DYSF: variants seen among roughly 807,000 people sequenced by gnomAD.
DYSF encodes the protein dystrophy-associated fer-1-like 1.
A neutral mutation model predicts 274.9 loss-of-function variants in DYSF; 212 were observed. That is an observed-to-expected ratio of 0.77 (90% confidence interval 0.69 to 0.86). The LOEUF (loss-of-function observed/expected upper bound fraction) is 0.86. Ranked by LOEUF, DYSF falls within the 40% of genes least tolerant of loss-of-function variation. DYSF has a pLI of 0.00. For synonymous variants in DYSF, 1,091 were observed against 1,078.7 expected, an observed-to-expected ratio of 1.01 and a Z score of -0.22; for missense variants, 2,666 against 2,783.2, an observed-to-expected ratio of 0.96 and a Z score of 0.95.
chr2:71,543,657 G>A (rs989195907), intron 17 of DYSF, among the ~76,000 whole-genome samples: 2 of 152,344 alleles, frequency 1.3e-5, no homozygotes, highest in East Asian at 1.9e-4. Flanking sequence ...GTTAGGAGCT[G>A]GAGACCAGCC....
At chr2:71,511,658 T>G (rs2152728317) in intron 4 of DYSF, 149 bp from the exon 5 acceptor site, 1 of 694,626 alleles carries the variant, frequency 1.4e-6, no homozygotes, top group Non-Finnish European at 2.6e-6. Flanking sequence ...ATAGGTCCCT[T>G]GGGGTGGCTT....
intron 30 of DYSF, among the ~76,000 whole-genome samples, chr2:71,583,643 A>G (rs2092968816): frequency 6.6e-6 from 1 of 152,108 alleles, no homozygotes; most frequent in Non-Finnish European, 1.5e-5. Flanking sequence ...CCCTGTTTAG[A>G]CCAAGGCACC....
intron 17 of DYSF, 146 bp downstream of exon 17, chr2:71,539,385 T>C: frequency 1.4e-6 from 1 of 736,136 alleles, no homozygotes; most frequent in East Asian, 2.7e-5. Context: ...AGAAGAGCTC[T>C]GGCAATGAAA....
At chr2:71,619,794 C>T (rs1434568521) in intron 40 of DYSF, among the ~76,000 whole-genome samples, 3 of 152,212 alleles carry the variant, frequency 2.0e-5, no homozygotes, top group Non-Finnish European at 4.4e-5. Flanking sequence ...AGAGCCCCAT[C>T]CCCTTATCCT....
chr2:71,655,938 C>T (rs1198261054), intron 42 of DYSF, among the ~76,000 whole-genome samples: 1 of 152,170 alleles, frequency 6.6e-6, no homozygotes, highest in East Asian at 1.9e-4. Context: ...TTTCTGGCTC[C>T]CTCTGTGACC....
intron 30 of DYSF, 98 bp from the exon 31 acceptor site, chr2:71,589,495 A>T: frequency 1.1e-6 from 1 of 935,744 alleles, no homozygotes; most frequent in East Asian, 2.4e-5. Flanking sequence ...GGCAGCGGAG[A>T]GATCTCCTGG....
intron 40 of DYSF, among the ~76,000 whole-genome samples, chr2:71,617,859 TGTGTGTGTGGTAGAGGTGGG>T (rs1198499477): frequency 8.6e-5 from 6 of 69,670 alleles, no homozygotes; most frequent in Non-Finnish European, 1.3e-4. Context: ...AGATGGGGTG[TGTGTGTGTGGTAGAGGTGGG>T]GTGTGTGTGG....
At chr2:71,509,630 G>T (rs2085872429) in intron 4 of DYSF, among the ~76,000 whole-genome samples, 1 of 151,866 alleles carries the variant, frequency 6.6e-6, no homozygotes, top group East Asian at 1.9e-4. Flanking sequence ...TATGGATTTG[G>T]GTATTTCTAT....
In DYSF at chr2:71,537,855, G is replaced by A. The variant is rs78443520; in HGVS notation, c.1494-1302G>A. 5.1e-3 allele frequency among the ~76,000 whole-genome samples: 782 copies of A among 152,214 alleles called. 10 individuals are homozygous for A. Among genetic ancestry groups the A allele is most frequent in the African/African-American group, 0.017 (720 of 41,514 alleles). Reference sequence around the variant, plus strand: ...CTCACAACAGGGAGAGGGGGTCTACGGGGCACCAAGAAGAAGGGGAAATTA... The same window carrying A: ...CTCACAACAGGGAGAGGGGGTCTACAGGGCACCAAGAAGAAGGGGAAATTA... On this transcript the variant is annotated intron_variant, in intron 16 of 55. Coordinates refer to ENST00000410020, the MANE Select transcript of DYSF (RefSeq NM_001130987.2).
chr2:71,504,327 TC>T (rs1204140046), intron 4 of DYSF, among the ~76,000 whole-genome samples: 2 of 151,948 alleles, frequency 1.3e-5, no homozygotes, highest in Non-Finnish European at 2.9e-5. Context: ...TCCCAAGGGG[TC>T]TTAGGCTGGG....
rs544769503 is a variant in DYSF at position 71,526,342 on chromosome 2, G to A, written c.1272G>A (p.Pro424=). Reference sequence around the variant, plus strand: ...AGGTCTTCCGGGCCGAGGACTTGCCGCAGAGTGCGTGGGGCGCGCCCTTGG... The same window carrying A: ...AGGTCTTCCGGGCCGAGGACTTGCCACAGAGTGCGTGGGGCGCGCCCTTGG... The part of the protein sequence containing the change: ...CLKVFRAEDL[P]QMDDAVMDNV... Residue 424 remains proline, a synonymous_variant, in exon 13 of 56, where the codon CCG becomes CCA. Transcript: ENST00000410020. The A allele has an allele frequency of 7.4e-6, 12 of 1,611,812 alleles. No individual in the cohort carries two copies. The highest frequency in any genetic ancestry group is 6.6e-5 in the South Asian group (6 of 91,044).
intron 16 of DYSF, among the ~76,000 whole-genome samples, chr2:71,536,534 T>C (rs2089357722): frequency 1.3e-5 from 2 of 152,240 alleles, no homozygotes; most frequent in Non-Finnish European, 2.9e-5. Flanking sequence ...CTGCGGGCGA[T>C]GAGCTGTGCG....
intron 3 of DYSF, among the ~76,000 whole-genome samples, chr2:71,489,991 T>C (rs1265533677): frequency 1.3e-5 from 2 of 152,176 alleles, no homozygotes; most frequent in Non-Finnish European, 2.9e-5. Flanking sequence ...GCTCAGTGCT[T>C]GGAATACTGA....
Position 71,526,328 on chromosome 2 carries a change from G to A in DYSF, c.1258G>A (p.Ala420Thr). 2 of 1,613,500 alleles carry A rather than the reference G, an allele frequency of 1.2e-6. 1 individual carries two copies. Among genetic ancestry groups the A allele is most frequent in the South Asian group, 2.2e-5 (2 of 91,070 alleles). ...GAHFCLKVFR[A>T]EDLPQMDDAV... ...CCACTTCTGCCTGAAGGTCTTCCGG[G>A]CCGAGGACTTGCCGCAGAGTGCGTG... Residue 420 changes from alanine (A) to threonine (T), a missense_variant, in exon 13 of 56, where the codon GCC becomes ACC. Physicochemically the swap from Ala to Thr is moderately conservative, Grantham distance 58. Around this residue, in one of 3 missense-constraint regions of DYSF, gnomAD observed 794 missense variants for 777.1 expected, o/e 1.02. Coordinates refer to ENST00000410020, the MANE Select transcript of DYSF (RefSeq NM_001130987.2).
intron 3 of DYSF, among the ~76,000 whole-genome samples, chr2:71,490,638 T>A (rs1312572431): frequency 6.6e-6 from 1 of 152,270 alleles, no homozygotes; most frequent in African/African-American, 2.4e-5. Context: ...GGTGCATATC[T>A]TTCTGGACTT....
chr2:71,502,430 C>T (rs1454530230), intron 3 of DYSF, among the ~76,000 whole-genome samples: 1 of 152,048 alleles, frequency 6.6e-6, no homozygotes, highest in Non-Finnish European at 1.5e-5. Flanking sequence ...CACACACAGA[C>T]ACCAGGCGAC....
chr2:71,620,410 C>T (rs1404803775), intron 40 of DYSF, 137 bp from the exon 41 acceptor site: 4 of 929,332 alleles, frequency 4.3e-6, no homozygotes, highest in African/African-American at 3.3e-5. Flanking sequence ...CAGGCTTGTC[C>T]AACTCCAAAG....
chr2:71,564,582 A>G (rs568934484), intron 24 of DYSF, among the ~76,000 whole-genome samples: 1 of 152,246 alleles, frequency 6.6e-6, no homozygotes, highest in African/African-American at 2.4e-5. Flanking sequence ...CAGGCCTTGC[A>G]TGACCTGGCT....
At chr2:71,662,488 TTGTG>T (rs1224419537) in intron 45 of DYSF, among the ~76,000 whole-genome samples, 4 of 149,120 alleles carry the variant, frequency 2.7e-5, no homozygotes, top group African/African-American at 2.5e-5. Flanking sequence ...GTGTATGTAT[TTGTG>T]TGTATGTGTG....
Sources: gnomAD v4.1 joint callset for allele counts (sites outside exome capture counted in the v4.1 genomes callset) on GRCh38, gnomAD v4.1.1 for gene constraint, gnomAD v4.1.1 regional missense constraint, MANE v1.5 for transcripts, NCBI Gene and HGNC (gene_info 2026-07-23, HGNC 2026-07-21) for gene names.